Variants in RARB observed in about 807,000 individuals in gnomAD.
RARB encodes HBV-activated protein.
RARB carries 17 observed loss-of-function variants against 51.9 expected under a neutral mutation model. The observed-to-expected ratio is 0.33, with a 90% CI of 0.22 to 0.49. The LOEUF (loss-of-function observed/expected upper bound fraction) is 0.49. RARB is among the 20% of genes least tolerant of loss of function. The pLI, the probability that RARB is intolerant of heterozygous loss-of-function variation, is 0.99. For synonymous variants in RARB, 215 were observed against 195.4 expected (o/e 1.10, Z -0.84); for missense variants, 369 against 550.8 (o/e 0.67, Z 3.30).
At chr3:25,132,423 C>T (rs1393554573) in intron 4 of RARB, among the ~76,000 whole-genome samples, 1 of 151,798 alleles carries the variant, frequency 6.6e-6, no homozygotes, top group Non-Finnish European at 1.5e-5. Flanking sequence ...ACTCGGCATC[C>T]AAGAATTTTG....
rs188094163 is a variant in RARB at position 25,356,142 on chromosome 3, G to A, written c.179-105051G>A. On this transcript the variant is annotated intron_variant, in intron 5 of 11. Transcript: ENST00000383772. ...GGAGAGTAAGTGCTGTATCTATAGC[G>A]ATGTTAGTGATTTGACAGAGACATT... Among the ~76,000 whole-genome samples the A allele has an allele frequency of 5.3e-4, 80 of 152,180 alleles. 1 individual carries two copies. Among genetic ancestry groups the A allele is most frequent in the Admixed American group, 2.4e-3 (37 of 15,270 alleles).
In RARB at chr3:25,101,886, T is replaced by G. The variant is rs142582400; in HGVS notation, c.-327-30275T>G. Reference sequence around the variant, plus strand: ...ATTTTTATATCTTGGCTGCTCTATTTAAGCAAAAACTTGTGTCTCTTTGTT... The same window carrying G: ...ATTTTTATATCTTGGCTGCTCTATTGAAGCAAAAACTTGTGTCTCTTTGTT... On this transcript the variant is annotated intron_variant, in intron 3 of 11. Transcript: ENST00000383772. Among the ~76,000 whole-genome samples the G allele has an allele frequency of 5.2e-3, 784 of 152,216 alleles. 7 individuals carry two copies. The highest frequency in any genetic ancestry group is 0.018 in the African/African-American group (736 of 41,532).
At chr3:25,086,630 A>G (rs1699110546) in intron 3 of RARB, among the ~76,000 whole-genome samples, 1 of 152,110 alleles carries the variant, frequency 6.6e-6, no homozygotes. Flanking sequence ...GAGTCATAAG[A>G]CATCAACCAA....
At chr3:25,067,373 G>C (rs146070896) in intron 3 of RARB, among the ~76,000 whole-genome samples, 1 of 152,306 alleles carries the variant, frequency 6.6e-6, no homozygotes, top group African/African-American at 2.4e-5. Context: ...TACACAGAGA[G>C]CATGAGAAAA....
At chr3:24,951,631 G>A (rs1344906637) in intron 2 of RARB, among the ~76,000 whole-genome samples, 1 of 152,100 alleles carries the variant, frequency 6.6e-6, no homozygotes, top group Non-Finnish European at 1.5e-5. Context: ...CCTGTCTCTG[G>A]TACACTCACT....
rs1283864387 is a variant in RARB at position 24,906,921 on chromosome 3, T to C, written c.-380+48169T>C. ...CAAATCACAAGAAACCTGGAGGATATAATATTCAGTATTGTTGTTGGATCA... is the reference window on the plus strand; with the variant it reads ...CAAATCACAAGAAACCTGGAGGATACAATATTCAGTATTGTTGTTGGATCA... On this transcript the variant is annotated intron_variant, in intron 2 of 11. Transcript: ENST00000383772. 4.7e-5 allele frequency among the ~76,000 whole-genome samples: 7 copies of C among 148,496 alleles called. No individual in the cohort carries two copies. The East Asian group carries it at 1.2e-3, about 25-fold the overall frequency.
intron 2 of RARB, among the ~76,000 whole-genome samples, chr3:24,891,139 G>A (rs1001473464): frequency 2.6e-5 from 4 of 152,168 alleles, no homozygotes; most frequent in Non-Finnish European, 4.4e-5. Context: ...AATGTAAAAA[G>A]TAATCCTACC....
intron 5 of RARB, among the ~76,000 whole-genome samples, chr3:25,287,542 CAG>C (rs2125419730): frequency 6.6e-6 from 1 of 152,340 alleles, no homozygotes; most frequent in South Asian, 2.1e-4. Flanking sequence ...GGTCCACACA[CAG>C]ACAGACACTC....
chr3:24,927,702 T>G (rs978162208), intron 2 of RARB, among the ~76,000 whole-genome samples: 3 of 152,106 alleles, frequency 2.0e-5, no homozygotes, highest in African/African-American at 7.2e-5. Context: ...TATTATTATA[T>G]AGACTCACTA....
At chr3:25,082,672 T>C (rs1385060370) in intron 3 of RARB, among the ~76,000 whole-genome samples, 3 of 152,080 alleles carry the variant, frequency 2.0e-5, no homozygotes, top group African/African-American at 7.2e-5. Flanking sequence ...TCTCTTTTAA[T>C]AAATTAAGAA....
intron 2 of RARB, among the ~76,000 whole-genome samples, chr3:25,487,114 T>C (rs545460175): frequency 3.9e-5 from 6 of 152,232 alleles, no homozygotes; most frequent in African/African-American, 1.4e-4. Context: ...CTGGTGTCCC[T>C]GATGCAGTCA....
In RARB at chr3:25,363,196, A is replaced by C. The variant is rs565828466; in HGVS notation, c.179-97997A>C. On this transcript the variant is annotated intron_variant, in intron 5 of 11. Coordinates refer to the RARB transcript ENST00000383772. ...AAACTATAGTACAAAGAAAAATGTAAAAATTTTCACTAGGGAGGTATAAGC... is the reference window on the plus strand; with the variant it reads ...AAACTATAGTACAAAGAAAAATGTACAAATTTTCACTAGGGAGGTATAAGC... Among the ~76,000 whole-genome samples, 22 of 152,296 alleles carry C rather than the reference A, an allele frequency of 1.4e-4. 1 individual carries two copies. The South Asian group carries it at 3.7e-3, about 26-fold the overall frequency.
At chr3:25,065,174 T>TA (rs1199437647) in intron 3 of RARB, among the ~76,000 whole-genome samples, 3 of 152,234 alleles carry the variant, frequency 2.0e-5, no homozygotes, top group East Asian at 3.9e-4. Context: ...GTGAGATTTT[T>TA]AAAAAATTGT....
At chr3:25,581,065 G>C (rs1701154084) in intron 5 of RARB, among the ~76,000 whole-genome samples, 1 of 152,160 alleles carries the variant, frequency 6.6e-6, no homozygotes. Flanking sequence ...CCTGGCACCT[G>C]TAAGTTACTG....
chr3:25,210,455 G>GGC, intron 5 of RARB, among the ~76,000 whole-genome samples: 1 of 150,558 alleles, frequency 6.6e-6, no homozygotes, highest in East Asian at 2.0e-4. Context: ...TTATATATGG[G>GGC]TGTTTTCTCA....
chr3:25,360,503 T>C (rs1268807213), intron 5 of RARB, among the ~76,000 whole-genome samples: 1 of 152,230 alleles, frequency 6.6e-6, no homozygotes, highest in Non-Finnish European at 1.5e-5. Flanking sequence ...ATGTGTGAAT[T>C]TGATCCTGTA....
At chr3:24,835,703 G>GT (rs1448261437) in intron 1 of RARB, among the ~76,000 whole-genome samples, 1 of 152,156 alleles carries the variant, frequency 6.6e-6, no homozygotes, top group African/African-American at 2.4e-5. Context: ...CACCTCCCCA[G>GT]TAACAGCCAG....
chr3:24,881,838 T>C (rs1375311699), intron 2 of RARB, among the ~76,000 whole-genome samples: 1 of 152,176 alleles, frequency 6.6e-6, no homozygotes, highest in African/African-American at 2.4e-5. Flanking sequence ...TGATCATTTT[T>C]TGAACTGTTT....
At chr3:25,299,264 C>T (rs1477240751) in intron 5 of RARB, among the ~76,000 whole-genome samples, 3 of 152,136 alleles carry the variant, frequency 2.0e-5, no homozygotes, top group Non-Finnish European at 4.4e-5. Context: ...GATCCATCTT[C>T]ATTCTCACTG....
Sources: allele counts gnomAD v4.1 joint callset (sites outside exome capture counted in the v4.1 genomes callset), GRCh38; gene constraint gnomAD v4.1.1; transcripts MANE v1.5; gene names NCBI Gene and HGNC (gene_info 2026-07-23, HGNC 2026-07-21).